PPP1R9B: variants seen among roughly 807,000 people sequenced by gnomAD.
The protein encoded by PPP1R9B is protein phosphatase 1 regulatory subunit 9B.
PPP1R9B carries 17 observed loss-of-function variants against 75.8 expected under a neutral mutation model. The ratio of observed to expected loss-of-function variants is 0.22; its 90% CI spans 0.15 to 0.34. PPP1R9B has a LOEUF of 0.34. Ranked by LOEUF, PPP1R9B falls within the 10% of genes least tolerant of loss-of-function variation. PPP1R9B has a pLI of 1.00. For missense variants in PPP1R9B, 875 were observed against 1,196.0 expected (o/e 0.73, Z 3.96); for synonymous variants, 509 against 535.4 (o/e 0.95, Z 0.68).
rs1168811319 is a variant in PPP1R9B at position 50,141,262 on chromosome 17, C to A, written c.1730+7G>T. 7 of 1,563,328 alleles carry A rather than the reference C, an allele frequency of 4.5e-6. No homozygotes were observed. The highest frequency in any genetic ancestry group is 2.4e-5 in the East Asian group (1 of 41,928). ...CGCTCCCACGCCCCACCCCTCTGGG[C>A]TCTCACCGCACTCGGCCCTTGGTGT... On this transcript the variant is annotated splice_region_variant and intron_variant, in intron 4 of 9. Coordinates refer to ENST00000612501, the MANE Select transcript of PPP1R9B (RefSeq NM_032595.5).
rs1178075580 is a variant in PPP1R9B at position 50,139,510 on chromosome 17, C to T, written c.1938G>A (p.Glu646=). ...PTFPGGEMAI[E]VFELAENEDA... ...CCTCGTTCTCCGCTAGCTCAAACAC[C>T]TCGATGGCCATCTCACCACCCGGGA... is the stretch of plus-strand genomic sequence containing the variant. Residue 646 remains glutamate, a synonymous_variant, in exon 6 of 10, where the codon GAG becomes GAA. Transcript: ENST00000612501. The surrounding 1 kb of genome is among the most constrained non-coding windows in gnomAD (Gnocchi z 5.0). The T allele has an allele frequency of 1.2e-6, 2 of 1,601,018 alleles. No homozygotes were observed. Among genetic ancestry groups the T allele is most frequent in the African/African-American group, 1.3e-5 (1 of 74,858 alleles).
At chr17:50,146,606 A>G (rs971936400) in intron 1 of PPP1R9B, among the ~76,000 whole-genome samples, 1 of 152,186 alleles carries the variant, frequency 6.6e-6, no homozygotes, top group African/African-American at 2.4e-5. Flanking sequence ...TCATAGGACT[A>G]GAAGGCTTAG....
intron 3 of PPP1R9B, 144 bp downstream of exon 3, chr17:50,143,454 G>T: frequency 9.7e-7 from 1 of 1,030,148 alleles, no homozygotes; most frequent in Non-Finnish European, 1.4e-6. Context: ...GCATGGCAGT[G>T]CTCCCCGAAC....
At chr17:50,140,424 G>C in intron 4 of PPP1R9B, 196 bp from the exon 5 acceptor site, 2 of 714,302 alleles carry the variant, frequency 2.8e-6, no homozygotes, top group Non-Finnish European at 4.5e-6. Context: ...AAGGGAGGCA[G>C]GAAGGCCCAT....
chr17:50,150,172 G>T lies in PPP1R9B; in HGVS notation c.342C>A (p.Gly114=). ...NVDHSALLKL[G]TSVSERVSRF... is the part of the protein sequence containing the mutation. ...GGCTCACGCGCTCCGACACGCTGGT[G>T]CCCAGCTTCAGCAGGGCGCTGTGGT... Residue 114 remains glycine (G), a synonymous_variant, in exon 1 of 10, where the codon GGC becomes GGA. Transcript: ENST00000612501. The surrounding 1 kb of genome is among the most constrained non-coding windows in gnomAD (Gnocchi z 8.7). 6.9e-7 allele frequency: 1 copy of T among 1,454,724 alleles called. No homozygotes were observed. The highest frequency in any genetic ancestry group is 9.0e-7 in the Non-Finnish European group (1 of 1,105,620). The allele number at this position is 1,454,724 out of a possible 1,614,324, so 90.1% of individuals were successfully genotyped here. A position where few individuals can be genotyped will look rare whatever the true frequency, so the allele number is the denominator to read the frequency against.
intron 7 of PPP1R9B, among the ~76,000 whole-genome samples, chr17:50,138,191 TGTGTGC>T (rs1384221240): frequency 1.5e-5 from 2 of 132,286 alleles, no homozygotes; most frequent in Non-Finnish European, 3.2e-5. Flanking sequence ...TGTGTGTGTG[TGTGTGC>T]CACGTGTCTC....
intron 9 of PPP1R9B, 79 bp downstream of exon 9, chr17:50,135,474 T>A: frequency 6.3e-7 from 1 of 1,579,180 alleles, no homozygotes; most frequent in Non-Finnish European, 8.7e-7. Context: ...TGGCATCCCC[T>A]CCCTCCAGGA....
Position 50,149,254 on chromosome 17 carries a change from ATCC to A in PPP1R9B, c.1257_1259del (p.Glu419del), listed in dbSNP as rs1340735408. 6.2e-7 allele frequency: 1 copy of A among 1,609,426 alleles called. No homozygotes were observed. Among genetic ancestry groups the A allele is most frequent in the African/African-American group, 1.4e-5 (1 of 74,046 alleles). On this transcript the variant is annotated inframe_deletion, in exon 1 of 10. Coordinates refer to ENST00000612501, the MANE Select transcript of PPP1R9B (RefSeq NM_032595.5). This position sits in a 1 kb window ranked among gnomAD's most constrained non-coding sequence, Gnocchi z 7.2. Reference sequence around the variant, plus strand: ...ACTCGGGCTCGTAGGGGGGCTCCCCATCCTCCTCGTCGTCTTCGTCGTCCTCCT... The same window carrying A: ...ACTCGGGCTCGTAGGGGGGCTCCCCATCCTCGTCGTCTTCGTCGTCCTCCT...
chr17:50,138,851 C>G (rs1190190101), intron 7 of PPP1R9B, among the ~76,000 whole-genome samples: 1 of 152,186 alleles, frequency 6.6e-6, no homozygotes, highest in Non-Finnish European at 1.5e-5. Flanking sequence ...TCTCTAACTC[C>G]TGGCTGAAGC....
At chr17:50,143,531 C>T (rs2144449994) in intron 3 of PPP1R9B, 67 bp downstream of exon 3, 2 of 1,595,052 alleles carry the variant, frequency 1.3e-6, no homozygotes, top group South Asian at 1.1e-5. Context: ...GCTCAGTGGC[C>T]CACCCCACCA....
At position 50,139,072 on chromosome 17, in the gene PPP1R9B, T is replaced by C. The variant is rs1912302118; in HGVS notation, c.2073+191A>G. Among the ~76,000 whole-genome samples, 1 of 152,250 alleles carries C rather than the reference T, an allele frequency of 6.6e-6. No homozygotes were observed. Among genetic ancestry groups the C allele is most frequent in the South Asian group, 2.1e-4 (1 of 4,834 alleles). ...GGAGGCTGAGGCACAGAGAAGCAAG[T>C]GATGCTGGAGCAGATGGATCCAGAG... On this transcript the variant is annotated intron_variant, in intron 7 of 9. Transcript: ENST00000612501. The surrounding 1 kb of genome is among the most constrained non-coding windows in gnomAD (Gnocchi z 5.0).
At chr17:50,140,481 C>T (rs1912346785) in intron 4 of PPP1R9B, 1 of 550,936 alleles carries the variant, frequency 1.8e-6, no homozygotes, top group African/African-American at 1.9e-5. Flanking sequence ...CAGCCCACCT[C>T]TAGGCTGTGC....
intron 1 of PPP1R9B, among the ~76,000 whole-genome samples, chr17:50,148,894 GC>G (rs879874488): frequency 3.2e-4 from 48 of 151,934 alleles, no homozygotes; most frequent in Non-Finnish European, 5.3e-4. Context: ...GAGCGGCGGG[GC>G]GGGGCAGCAG....
chr17:50,133,826 G>A lies in PPP1R9B; in HGVS notation c.*1505C>T, dbSNP rs973633528. On this transcript the variant is annotated 3_prime_UTR_variant, in exon 10 of 10. Coordinates refer to ENST00000612501, the MANE Select transcript of PPP1R9B (RefSeq NM_032595.5). ...TACATACATATATATATTATATACA[G>A]AGATGCGGCCCTCCCGACGGCTGGG... 6.6e-6 allele frequency: 1 copy of A among 152,372 alleles called. No individual in the cohort carries two copies. The highest frequency in any genetic ancestry group is 2.4e-5 in the African/African-American group (1 of 41,468). The allele number at this position is 152,372 out of a possible 1,614,324, so 9.4% of individuals were successfully genotyped here.
Position 50,150,100 on chromosome 17 carries a change from C to T in PPP1R9B, c.414G>A (p.Pro138=). 3 of 1,395,774 alleles carry T rather than the reference C, an allele frequency of 2.1e-6. No homozygotes were observed. Among genetic ancestry groups the T allele is most frequent in the Non-Finnish European group, 9.3e-7 (1 of 1,080,286 alleles). The allele number at this position is 1,395,774 out of a possible 1,614,324, so 86.5% of individuals were successfully genotyped here. A position where few individuals can be genotyped will look rare whatever the true frequency, so the allele number is the denominator to read the frequency against. ...TCTCCTGCAGCCGGGACGGCGGGTG[C>T]GGCGGCGGCGCAGGCTGCGCGGAGG... The part of the protein sequence containing the change: ...PAPSAQPAPP[P]HPPSRLQETR... Residue 138 remains proline (P), a synonymous_variant, in exon 1 of 10, where the codon CCG becomes CCA. Transcript: ENST00000612501. This position sits in a 1 kb window ranked among gnomAD's most constrained non-coding sequence, Gnocchi z 8.7.
Position 50,149,645 on chromosome 17 carries a change from G to T in PPP1R9B, c.869C>A (p.Pro290His), listed in dbSNP as rs1191618164. 4.6e-6 allele frequency: 7 copies of T among 1,516,460 alleles called. No individual in the cohort carries two copies. Among genetic ancestry groups the T allele is most frequent in the African/African-American group, 1.4e-5 (1 of 71,480 alleles). The allele number at this position is 1,516,460 out of a possible 1,614,324, so 93.9% of individuals were successfully genotyped here. A position where few individuals can be genotyped will look rare whatever the true frequency, so the allele number is the denominator to read the frequency against. ...QHRVAPARPPPKPREVRKIKP... is the reference protein window; with the variant it reads ...QHRVAPARPPHKPREVRKIKP... ...AATCTTGCGCACCTCCCGGGGCTTG[G>T]GGGGCGGCCGGGCAGGGGCCACTCG... The change falls in exon 1 of 10, where the codon CCC becomes CAC. Residue 290 changes from proline (P) to histidine (H), a missense_variant. By Grantham distance (77) the Pro-to-His change is moderately conservative (BLOSUM62 -2). Around this residue, in one of 4 missense-constraint regions of PPP1R9B, gnomAD observed 449 missense variants for 475.0 expected, o/e 0.95. Coordinates refer to ENST00000612501, the MANE Select transcript of PPP1R9B (RefSeq NM_032595.5). The surrounding 1 kb of genome is among the most constrained non-coding windows in gnomAD (Gnocchi z 7.2).
In PPP1R9B at chr17:50,142,345, C is replaced by G. The variant is rs1409134070; in HGVS notation, c.1626-972G>C. Among the ~76,000 whole-genome samples the G allele has an allele frequency of 6.6e-6, 1 of 152,204 alleles. No homozygotes were observed. Among genetic ancestry groups the G allele is most frequent in the Non-Finnish European group, 1.5e-5 (1 of 68,036 alleles). The stretch of plus-strand genomic sequence containing the variant: ...AGCTCACCCCAACACATGCCACTCC[C>G]AGGTGGGCATGAGTGAGTGGCCACG... On this transcript the variant is annotated intron_variant, in intron 3 of 9. Coordinates refer to ENST00000612501, the MANE Select transcript of PPP1R9B (RefSeq NM_032595.5). This position sits in a 1 kb window ranked among gnomAD's most constrained non-coding sequence, Gnocchi z 4.1.
At chr17:50,140,284 T>A in intron 4 of PPP1R9B, 56 bp from the exon 5 acceptor site, 1 of 1,541,668 alleles carries the variant, frequency 6.5e-7, no homozygotes, top group Non-Finnish European at 8.8e-7. Flanking sequence ...TAATGCATCA[T>A]CCTCCCTGCT....
rs781325486 is a variant in PPP1R9B at position 50,149,132 on chromosome 17, G to T, written c.1371+11C>A. ...GGGCGGCGCGGGGGCAGGGCGGGGG[G>T]GCTCACTTACTTGGATGGGCGCCGT... On this transcript the variant is annotated intron_variant, in intron 1 of 9. Transcript: ENST00000612501. The surrounding 1 kb of genome is among the most constrained non-coding windows in gnomAD (Gnocchi z 7.2). 41 of 1,428,872 alleles carry T rather than the reference G, an allele frequency of 2.9e-5. No individual in the cohort carries two copies. Among genetic ancestry groups the T allele is most frequent in the Admixed American group, 1.1e-4 (4 of 37,518 alleles). The allele number at this position is 1,428,872 out of a possible 1,614,324, so 88.5% of individuals were successfully genotyped here. A position where few individuals can be genotyped will look rare whatever the true frequency, so the allele number is the denominator to read the frequency against.
Sources: gnomAD v4.1 joint callset for allele counts (sites outside exome capture counted in the v4.1 genomes callset) on GRCh38, gnomAD v4.1.1 for gene constraint, gnomAD v4.1.1 regional missense constraint, Gnocchi (gnomAD v3.1) non-coding constraint, MANE v1.5 for transcripts, NCBI Gene and HGNC (gene_info 2026-07-23, HGNC 2026-07-21) for gene names.